Variants in NRG3 observed in about 807,000 individuals in gnomAD.
NRG3 encodes the protein pro-neuregulin-3, membrane-bound isoform.
A neutral mutation model predicts 66.9 loss-of-function variants in NRG3; 31 were observed. That is an observed-to-expected ratio of 0.46 (90% CI 0.35 to 0.63). The LOEUF (loss-of-function observed/expected upper bound fraction) is 0.63. Among genes scored for constraint, NRG3 ranks in the 20% least tolerant of loss-of-function variants. The pLI is 0.00. For synonymous variants in NRG3, 393 were observed against 359.4 expected (o/e 1.09, Z -1.06); for missense variants, 910 against 878.9 (o/e 1.04, Z -0.45).
At chr10:82,230,681 G>T (rs757663682) in intron 1 of NRG3, among the ~76,000 whole-genome samples, 1 of 151,984 alleles carries the variant, frequency 6.6e-6, no homozygotes, top group African/African-American at 2.4e-5. Flanking sequence ...ATTTCTATCT[G>T]CATTGATAAG....
chr10:82,551,627 A>G (rs1036280896), intron 2 of NRG3, among the ~76,000 whole-genome samples: 9 of 150,666 alleles, frequency 6.0e-5, no homozygotes, highest in African/African-American at 2.0e-4. Context: ...TAAATCAGAT[A>G]CATGAGGCCA....
rs866013965 is a variant in NRG3, at chr10:82,877,380, T to G, written c.1054+11943T>G. ...CAGTGCATAGGGCAGACTTTTTTTT[T>G]TTTTTTTTTTTTTTTTGAGGCAGAA... On this transcript the variant is annotated intron_variant, in intron 4 of 8. Coordinates refer to ENST00000372141, the MANE Select transcript of NRG3 (RefSeq NM_001010848.4). Among the ~76,000 whole-genome samples, 1,360 of 144,422 alleles carry G rather than the reference T, an allele frequency of 9.4e-3. 20 individuals carry two copies. Among genetic ancestry groups the G allele is most frequent in the African/African-American group, 0.033 (1,279 of 38,424 alleles). The allele number at this position is 144,422 out of a possible 152,430, so 94.7% of individuals were successfully genotyped here.
chr10:82,712,829 G>A (rs1272844712), intron 2 of NRG3, among the ~76,000 whole-genome samples: 1 of 152,054 alleles, frequency 6.6e-6, no homozygotes, highest in East Asian at 1.9e-4. Flanking sequence ...CATAGTGGCT[G>A]GAGTAGTGTG....
At chr10:82,060,920 A>G (rs1300566181) in intron 1 of NRG3, among the ~76,000 whole-genome samples, 1 of 152,254 alleles carries the variant, frequency 6.6e-6, no homozygotes, top group Non-Finnish European at 1.5e-5. Context: ...GACACTTGTG[A>G]GAGGAAGGAG....
chr10:82,283,942 C>A (rs1274234372), intron 1 of NRG3, among the ~76,000 whole-genome samples: 1 of 152,210 alleles, frequency 6.6e-6, no homozygotes, highest in East Asian at 1.9e-4. Context: ...ATTTCAGCAT[C>A]TTCTGGTTTG....
intron 2 of NRG3, among the ~76,000 whole-genome samples, chr10:82,586,527 A>G (rs1239141570): frequency 6.6e-6 from 1 of 152,176 alleles, no homozygotes; most frequent in Admixed American, 6.5e-5. Context: ...TAAGCAAAAT[A>G]CTTGGCTTCT....
chr10:82,444,571 G>T (rs945767842), intron 2 of NRG3, among the ~76,000 whole-genome samples: 11 of 152,074 alleles, frequency 7.2e-5, no homozygotes, highest in African/African-American at 2.7e-4. Context: ...AGGTGGAGGG[G>T]GGAAAATGAG....
At chr10:82,485,688 T>G (rs1180072558) in intron 2 of NRG3, among the ~76,000 whole-genome samples, 1 of 152,048 alleles carries the variant, frequency 6.6e-6, no homozygotes, top group Non-Finnish European at 1.5e-5. Context: ...TGCTTTGTTT[T>G]GTACTGTGCT....
chr10:82,352,179 A>T (rs1276984591), intron 1 of NRG3, among the ~76,000 whole-genome samples: 1 of 152,234 alleles, frequency 6.6e-6, no homozygotes, highest in South Asian at 2.1e-4. Flanking sequence ...TTAGGAATAC[A>T]TATACCCACA....
At chr10:82,361,469 T>C (rs2084137778) in intron 2 of NRG3, among the ~76,000 whole-genome samples, 1 of 152,228 alleles carries the variant, frequency 6.6e-6, no homozygotes, top group Non-Finnish European at 1.5e-5. Flanking sequence ...CATTTGTTCC[T>C]GCATCAGCCA....
chr10:82,758,631 G>GC (rs1202165492), intron 3 of NRG3, among the ~76,000 whole-genome samples: 1 of 151,986 alleles, frequency 6.6e-6, no homozygotes, highest in Non-Finnish European at 1.5e-5. Flanking sequence ...ACTATAGATT[G>GC]CCTACCCCTC....
chr10:82,872,731 T>C (rs1056045839), intron 4 of NRG3, among the ~76,000 whole-genome samples: 1 of 141,648 alleles, frequency 7.1e-6, no homozygotes, highest in Non-Finnish European at 1.6e-5. Context: ...AGATACGATA[T>C]GAAAAAAAAA....
chr10:82,744,100 G>T (rs776142349), intron 3 of NRG3, among the ~76,000 whole-genome samples: 1 of 152,120 alleles, frequency 6.6e-6, no homozygotes, highest in Admixed American at 6.5e-5. Context: ...AGCAGAGCAG[G>T]CTGTCTTGCA....
At chr10:82,919,364 A>G (rs944106406) in intron 4 of NRG3, among the ~76,000 whole-genome samples, 2 of 152,056 alleles carry the variant, frequency 1.3e-5, no homozygotes, top group African/African-American at 4.8e-5. Flanking sequence ...CCTGCTAACT[A>G]CCTATTAATG....
At chr10:82,154,160 T>C (rs1192372986) in intron 1 of NRG3, among the ~76,000 whole-genome samples, 1 of 152,074 alleles carries the variant, frequency 6.6e-6, no homozygotes, top group Admixed American at 6.6e-5. Context: ...ACCAATGTTG[T>C]GAAGCTTTTT....
intron 1 of NRG3, among the ~76,000 whole-genome samples, chr10:82,312,418 T>C (rs2134995577): frequency 6.6e-6 from 1 of 152,306 alleles, no homozygotes; most frequent in Middle Eastern, 3.4e-3. Context: ...GCAGAAAATC[T>C]GAAATGCCAT....
chr10:82,221,633 C>T (rs2075950347), intron 1 of NRG3, among the ~76,000 whole-genome samples: 1 of 152,070 alleles, frequency 6.6e-6, no homozygotes, highest in African/African-American at 2.4e-5. Context: ...GTTAAGCAGT[C>T]TGTATTAAAA....
At chr10:82,011,221 C>G (rs2061561548) in intron 1 of NRG3, among the ~76,000 whole-genome samples, 1 of 152,228 alleles carries the variant, frequency 6.6e-6, no homozygotes, top group South Asian at 2.1e-4. Flanking sequence ...CAAGCCACGT[C>G]TTAAATGATA....
At position 82,536,074 on chromosome 10, in the gene NRG3, G is replaced by A. The variant is rs79023134; in HGVS notation, c.953+177206G>A. On this transcript the variant is annotated intron_variant, in intron 2 of 8. Transcript: ENST00000372141. ...TCAGGCTCCACTTATTTTAGCCGCT[G>A]GGTGTGGTTTGTCCCAGAGTCTCCT... Among the ~76,000 whole-genome samples, 15 of 152,196 alleles carry A rather than the reference G, an allele frequency of 9.9e-5. 1 individual carries two copies. The East Asian group carries it at 2.9e-3, about 30-fold the overall frequency.
Sources: gnomAD v4.1 joint callset for allele counts (sites outside exome capture counted in the v4.1 genomes callset) on GRCh38, gnomAD v4.1.1 for gene constraint, MANE v1.5 for transcripts, NCBI Gene and HGNC (gene_info 2026-07-23, HGNC 2026-07-21) for gene names.